TUSC3: variants seen among roughly 807,000 people sequenced by gnomAD.
The protein encoded by TUSC3 is tumor suppressor candidate 3, also known as dolichyl-diphosphooligosaccharide--protein glycosyltransferase subunit TUSC3.
Under a neutral mutation model 44.8 loss-of-function variants are expected in TUSC3, and 45 were observed. The ratio of observed to expected loss-of-function variants is 1.00; its 90% confidence interval spans 0.79 to 1.29. The LOEUF (loss-of-function observed/expected upper bound fraction) is 1.29. Ranked by LOEUF, TUSC3 falls within the 50% of genes most tolerant of loss-of-function variation. The pLI is 0.00. For synonymous variants in TUSC3, 212 were observed against 152.9 expected (o/e 1.39, Z -2.85); for missense variants, 519 against 437.9 (o/e 1.19, Z -1.65).
the TUSC3 span, among the ~76,000 whole-genome samples, chr8:15,838,840 G>A: frequency 1.3e-5 from 2 of 152,108 alleles, no homozygotes; most frequent in African/African-American, 4.8e-5. Context: ...GGCAATGCAG[G>A]CTCTTTTTTG....
intron 6 of TUSC3, among the ~76,000 whole-genome samples, chr8:15,727,048 T>C (rs1810524720): frequency 6.6e-6 from 1 of 152,158 alleles, no homozygotes; most frequent in African/African-American, 2.4e-5. Flanking sequence ...TGAGAATTAG[T>C]AAAATATCAG....
chr8:15,514,545 C>G (rs1029725282), intron 2 of TUSC3, among the ~76,000 whole-genome samples: 2 of 152,134 alleles, frequency 1.3e-5, no homozygotes, highest in Non-Finnish European at 2.9e-5. Flanking sequence ...AAACGGAACT[C>G]CGCTTCTTCA....
chr8:15,568,457 G>C (rs906300077), intron 1 of TUSC3, among the ~76,000 whole-genome samples: 10 of 151,998 alleles, frequency 6.6e-5, no homozygotes, highest in Admixed American at 2.0e-4. Flanking sequence ...ATTACTATAT[G>C]AACTTATAAA....
At chr8:15,767,442 A>G (rs1227435082), downstream of TUSC3, among the ~76,000 whole-genome samples, 1 of 152,054 alleles carries the variant, frequency 6.6e-6, no homozygotes, top group Non-Finnish European at 1.5e-5. Flanking sequence ...AGGAAAAAAA[A>G]AAAACACTGT....
intron 5 of TUSC3, among the ~76,000 whole-genome samples, chr8:15,670,487 A>G (rs1807899470): frequency 6.6e-6 from 1 of 151,830 alleles, no homozygotes; most frequent in South Asian, 2.1e-4. Flanking sequence ...CCAACTGGAT[A>G]TCCATATGGG....
chr8:15,488,879 C>A (rs751157407), intron 2 of TUSC3, among the ~76,000 whole-genome samples: 29 of 152,154 alleles, frequency 1.9e-4, no homozygotes, highest in Non-Finnish European at 3.2e-4. Context: ...TTTGTTATAG[C>A]ATCCCAAATT....
the TUSC3 span, among the ~76,000 whole-genome samples, chr8:15,810,279 G>C: frequency 6.6e-6 from 1 of 152,098 alleles, no homozygotes; most frequent in Non-Finnish European, 1.5e-5. Context: ...CTGGCTTAGA[G>C]TACTGCATGT....
At chr8:15,588,149 C>T (rs1021291065) in intron 1 of TUSC3, among the ~76,000 whole-genome samples, 2 of 152,006 alleles carry the variant, frequency 1.3e-5, no homozygotes, top group Non-Finnish European at 1.5e-5. Flanking sequence ...TGCTGTTAAC[C>T]ATAATGGGGG....
chr8:15,849,863 G>A, the TUSC3 span, among the ~76,000 whole-genome samples: 2 of 152,098 alleles, frequency 1.3e-5, no homozygotes, highest in African/African-American at 2.4e-5. Flanking sequence ...TCACTCCAGT[G>A]CTGAGCTCCA....
chr8:15,647,791 G>C (rs930344610), intron 2 of TUSC3, among the ~76,000 whole-genome samples: 1 of 151,838 alleles, frequency 6.6e-6, no homozygotes, highest in Non-Finnish European at 1.5e-5. Context: ...TTGTCTCAAC[G>C]TGCAATTTTA....
chr8:15,535,917 G>A (rs1585079454), upstream of TUSC3, among the ~76,000 whole-genome samples: 1 of 152,140 alleles, frequency 6.6e-6, no homozygotes, highest in East Asian at 1.9e-4. Flanking sequence ...GTGGCCTGCG[G>A]GTTGCATGTA....
At chr8:15,773,209 GCATGATATA>G in the TUSC3 span, among the ~76,000 whole-genome samples, 2 of 152,036 alleles carry the variant, frequency 1.3e-5, no homozygotes, top group African/African-American at 4.8e-5. Context: ...TTCACAGATG[GCATGATATA>G]CATAAAGTAA....
the TUSC3 span, among the ~76,000 whole-genome samples, chr8:15,813,049 G>A: frequency 2.0e-3 from 298 of 152,154 alleles, 1 homozygote; most frequent in African/African-American, 6.8e-3. Flanking sequence ...AGCTGAGATC[G>A]CGCCACTGCA....
At chr8:15,540,081 G>T, upstream of TUSC3, 1 of 261,640 alleles carries the variant, frequency 3.8e-6, no homozygotes, top group Non-Finnish European at 7.2e-6. Flanking sequence ...GTAGCAGGAT[G>T]GCCTCAGATT....
At chr8:15,519,807 C>A (rs1280759420) in intron 2 of TUSC3, among the ~76,000 whole-genome samples, 2 of 152,180 alleles carry the variant, frequency 1.3e-5, no homozygotes, top group African/African-American at 4.8e-5. Flanking sequence ...TCAAAGGCAA[C>A]TAGGTGCCTG....
chr8:15,462,632 A>G (rs1025006487), intron 1 of TUSC3, among the ~76,000 whole-genome samples: 5 of 152,140 alleles, frequency 3.3e-5, no homozygotes, highest in Non-Finnish European at 7.4e-5. Flanking sequence ...AAGATGGTAG[A>G]TCTTGTATAG....
the TUSC3 span, among the ~76,000 whole-genome samples, chr8:15,833,126 C>A: frequency 6.6e-6 from 1 of 152,150 alleles, no homozygotes; most frequent in Non-Finnish European, 1.5e-5. Context: ...CATCACTGAT[C>A]ATTAGAAAAA....
At chr8:15,815,391 A>C in the TUSC3 span, among the ~76,000 whole-genome samples, 1 of 152,172 alleles carries the variant, frequency 6.6e-6, no homozygotes, top group Non-Finnish European at 1.5e-5. Context: ...ATAATAAGTG[A>C]TATTTAGTCT....
At position 15,559,297 on chromosome 8, in the gene TUSC3, A is replaced by G. The variant is rs534096038; in HGVS notation, c.138+18729A>G. ...TTCAGGAGCAGGTTGTTCAGTTTCC[A>G]TGTAGTTGAGCAGTTTTGAGTGAGA... On this transcript the variant is annotated intron_variant, in intron 1 of 10. Transcript: ENST00000503731. Among the ~76,000 whole-genome samples the G allele has an allele frequency of 3.7e-3, 533 of 143,564 alleles. 15 individuals are homozygous for G. Among genetic ancestry groups the G allele is most frequent in the Non-Finnish European group, 6.3e-3 (409 of 64,734 alleles). 94.2% of individuals were successfully genotyped at this position (143,564 alleles called of 152,430 possible).
Sources: allele counts gnomAD v4.1 joint callset (sites outside exome capture counted in the v4.1 genomes callset), GRCh38; gene constraint gnomAD v4.1.1; transcripts MANE v1.5; gene names NCBI Gene and HGNC (gene_info 2026-07-23, HGNC 2026-07-21).